MAN1C1: variants seen among roughly 807,000 people sequenced by gnomAD.
MAN1C1 encodes mannosyl-oligosaccharide 1,2-alpha-mannosidase IC.
A neutral mutation model predicts 71.5 loss-of-function variants in MAN1C1; 49 were observed. That is an observed-to-expected ratio of 0.69 (90% confidence interval 0.54 to 0.87). The LOEUF is 0.87. Ranked by LOEUF, MAN1C1 falls within the 40% of genes least tolerant of loss-of-function variation. MAN1C1 has a pLI of 0.00. For missense variants in MAN1C1, 743 were observed against 835.0 expected, an observed-to-expected ratio of 0.89 and a Z score of 1.36; for synonymous variants, 352 against 343.7, an observed-to-expected ratio of 1.02 and a Z score of -0.27.
chr1:25,697,554 C>T (rs180853739), intron 2 of MAN1C1, among the ~76,000 whole-genome samples: 1 of 152,190 alleles, frequency 6.6e-6, no homozygotes, highest in Middle Eastern at 3.2e-3. Context: ...TTCCATTTCT[C>T]TTGGGTACAT....
In MAN1C1 at chr1:25,783,945, AC is replaced by A; in HGVS notation, c.*157del. On this transcript the variant is annotated 3_prime_UTR_variant, in exon 12 of 12. Transcript: ENST00000374332. The stretch of plus-strand genomic sequence containing the variant: ...GCAACTTCTTTTCCTCTGTGAGGAG[AC>A]AAGACTTGGAGACTCAGCGATGTCA... 3.0e-6 allele frequency: 3 copies of A among 1,013,790 alleles called. No individual in the cohort carries two copies. The highest frequency in any genetic ancestry group is 4.2e-6 in the Non-Finnish European group (3 of 712,318). 62.8% of individuals were successfully genotyped at this position (1,013,790 alleles called of 1,614,324 possible). A position where few individuals can be genotyped will look rare whatever the true frequency, so the allele number is the denominator to read the frequency against.
chr1:25,775,424 CAGG>C lies in MAN1C1; in HGVS notation c.1258-2678_1258-2676del, dbSNP rs2047606539. Among the ~76,000 whole-genome samples, 1 of 152,200 alleles carries C rather than the reference CAGG, an allele frequency of 6.6e-6. No individual in the cohort carries two copies. The highest frequency in any genetic ancestry group is 2.4e-5 in the African/African-American group (1 of 41,448). ...CCAGCCCACCAGCCCTGGGCCCTGA[CAGG>C]AGAGAAAAAAGGAAAAAACAGACCC... On this transcript the variant is annotated intron_variant, in intron 8 of 11. Coordinates refer to ENST00000374332, the MANE Select transcript of MAN1C1 (RefSeq NM_020379.4). This position sits in a 1 kb window ranked among gnomAD's most constrained non-coding sequence, Gnocchi z 5.1.
Position 25,746,391 on chromosome 1 carries a change from A to G in MAN1C1, c.638-277A>G, listed in dbSNP as rs1187564148. ...ACTGATAGTTGACCCGCTGACCAAC[A>G]GAAGAGTGGACCGAGTCTGGGAAGT... On this transcript the variant is annotated intron_variant, in intron 2 of 11. Transcript: ENST00000374332. The surrounding 1 kb of genome is among the most constrained non-coding windows in gnomAD (Gnocchi z 4.0). Among the ~76,000 whole-genome samples, 2 of 152,238 alleles carry G rather than the reference A, an allele frequency of 1.3e-5. No individual in the cohort carries two copies. The highest frequency in any genetic ancestry group is 4.8e-5 in the African/African-American group (2 of 41,468).
intron 1 of MAN1C1, among the ~76,000 whole-genome samples, chr1:25,621,675 G>A (rs1185683368): frequency 6.6e-6 from 1 of 151,948 alleles, no homozygotes; most frequent in Admixed American, 6.5e-5. Flanking sequence ...CGAGGCTGCA[G>A]TGCAGTGGCG....
chr1:25,628,586 GT>G (rs1417700740), intron 1 of MAN1C1, among the ~76,000 whole-genome samples: 1 of 152,298 alleles, frequency 6.6e-6, no homozygotes, highest in Admixed American at 6.5e-5. Flanking sequence ...GGGATTATAG[GT>G]GTGAGCCACC....
At chr1:25,678,228 C>T (rs1266466864) in intron 1 of MAN1C1, among the ~76,000 whole-genome samples, 1 of 152,026 alleles carries the variant, frequency 6.6e-6, no homozygotes, top group African/African-American at 2.4e-5. Flanking sequence ...GCATTTTTGC[C>T]TATCATGAAA....
intron 7 of MAN1C1, among the ~76,000 whole-genome samples, chr1:25,767,638 T>C (rs2047456228): frequency 4.2e-5 from 1 of 23,710 alleles, no homozygotes; most frequent in Admixed American, 4.7e-4. Context: ...CACACACACA[T>C]TACACACTCC....
chr1:25,783,594 C>T, intron 11 of MAN1C1, 69 bp from the exon 12 acceptor site: 2 of 1,568,332 alleles, frequency 1.3e-6, no homozygotes, highest in Non-Finnish European at 1.7e-6. Flanking sequence ...GACTTGTTCC[C>T]AGGCCCACCC....
intron 11 of MAN1C1, 149 bp from the exon 12 acceptor site, chr1:25,783,514 C>A: frequency 1.2e-6 from 1 of 814,288 alleles, no homozygotes; most frequent in South Asian, 1.7e-5. Context: ...AGCACCCCCA[C>A]CCTGCTGCCC....
At chr1:25,673,375 A>G (rs2046020926) in intron 1 of MAN1C1, among the ~76,000 whole-genome samples, 1 of 152,190 alleles carries the variant, frequency 6.6e-6, no homozygotes. Flanking sequence ...GGCTGTGAGC[A>G]CAGACCACCT....
intron 3 of MAN1C1, among the ~76,000 whole-genome samples, chr1:25,748,797 C>T (rs1001850935): frequency 1.3e-5 from 2 of 152,200 alleles, no homozygotes; most frequent in African/African-American, 4.8e-5. Flanking sequence ...CCTTCTTAGC[C>T]CCAGCCTTTC....
intron 2 of MAN1C1, among the ~76,000 whole-genome samples, chr1:25,708,811 G>A (rs540122615): frequency 2.4e-4 from 37 of 152,206 alleles, no homozygotes; most frequent in African/African-American, 8.7e-4. Flanking sequence ...TTGAACCTGG[G>A]AGGTGGAGGT....
rs181044281 is a variant in MAN1C1, at chr1:25,686,498, G to A, written c.599G>A (p.Arg200His). 33 of 1,614,150 alleles carry A rather than the reference G, an allele frequency of 2.0e-5. No homozygotes were observed. The highest frequency in any genetic ancestry group is 1.3e-4 in the East Asian group (6 of 44,876). The change falls in exon 2 of 12, where the codon CGT becomes CAT. Residue 200 changes from arginine to histidine, a missense_variant. Coordinates refer to ENST00000374332, the MANE Select transcript of MAN1C1 (RefSeq NM_020379.4). ...TATGCAATGGGGAAAAACGAACTCC[G>A]TCCACTAACAAAAGATGGCTACGAG... ...KRYAMGKNEL[R>H]PLTKDGYEGN...
At chr1:25,648,477 T>G (rs1442562189) in intron 1 of MAN1C1, among the ~76,000 whole-genome samples, 1 of 152,058 alleles carries the variant, frequency 6.6e-6, no homozygotes, top group East Asian at 1.9e-4. Context: ...TGACACCTGA[T>G]TCTTATGTAG....
rs1254453453 is a variant in MAN1C1 at position 25,730,867 on chromosome 1, C to T, written c.638-15801C>T. 6.6e-6 allele frequency among the ~76,000 whole-genome samples: 1 copy of T among 152,212 alleles called. No homozygotes were observed. The highest frequency in any genetic ancestry group is 1.5e-5 in the Non-Finnish European group (1 of 68,050). On this transcript the variant is annotated intron_variant, in intron 2 of 11. Coordinates refer to ENST00000374332, the MANE Select transcript of MAN1C1 (RefSeq NM_020379.4). The surrounding 1 kb of genome is among the most constrained non-coding windows in gnomAD (Gnocchi z 4.3). ...TGATTCAGGCCACCCACATCTGCGA[C>T]AGGGTTATTGCTAGTACCTTGGACA...
At chr1:25,664,244 A>C (rs1052834872) in intron 1 of MAN1C1, among the ~76,000 whole-genome samples, 1 of 150,764 alleles carries the variant, frequency 6.6e-6, no homozygotes, top group Non-Finnish European at 1.5e-5. Context: ...GGCTTTTAAA[A>C]TGTTCAACCC....
chr1:25,783,889 C>T lies in MAN1C1; in HGVS notation c.*100C>T, dbSNP rs976860721. ...GGGATTGGGAACGAAGGCCCCATCT[C>T]GGGCAGACCCCCAGCAGATGTGTCG... On this transcript the variant is annotated 3_prime_UTR_variant, in exon 12 of 12. Transcript: ENST00000374332. 150 of 1,439,058 alleles carry T rather than the reference C, an allele frequency of 1.0e-4. No homozygotes were observed. The highest frequency in any genetic ancestry group is 1.8e-4 in the South Asian group (14 of 78,004). 89.1% of individuals were successfully genotyped at this position (1,439,058 alleles called of 1,614,324 possible).
Position 25,753,481 on chromosome 1 carries a change from C to G in MAN1C1, c.835-3C>G. On this transcript the variant is annotated splice_region_variant and splice_polypyrimidine_tract_variant and intron_variant, in intron 4 of 11. Coordinates refer to ENST00000374332, the MANE Select transcript of MAN1C1 (RefSeq NM_020379.4). The surrounding 1 kb of genome is among the most constrained non-coding windows in gnomAD (Gnocchi z 4.9). Reference sequence around the variant, plus strand: ...AAAAGCCCTTTGATCCCCTCCTTTACAGGTGTTCCGAATAAAGGCCATCAG... The same window carrying G: ...AAAAGCCCTTTGATCCCCTCCTTTAGAGGTGTTCCGAATAAAGGCCATCAG... The G allele has an allele frequency of 6.2e-7, 1 of 1,611,920 alleles. No homozygotes were observed. The highest frequency in any genetic ancestry group is 8.5e-7 in the Non-Finnish European group (1 of 1,178,424).
intron 5 of MAN1C1, among the ~76,000 whole-genome samples, chr1:25,755,906 G>T (rs1229049969): frequency 6.6e-6 from 1 of 152,190 alleles, no homozygotes; most frequent in African/African-American, 2.4e-5. Context: ...TGGCTCACAG[G>T]GCTGAGCAGA....
Sources: allele counts gnomAD v4.1 joint callset (sites outside exome capture counted in the v4.1 genomes callset), GRCh38; gene constraint gnomAD v4.1.1; non-coding constraint Gnocchi (gnomAD v3.1); transcripts MANE v1.5; gene names NCBI Gene and HGNC (gene_info 2026-07-23, HGNC 2026-07-21).